The following RBFOX1 variants were observed in gnomAD, a reference collection of about 807,000 sequenced individuals.
The protein encoded by RBFOX1 is RNA binding fox-1 homolog 1.
A neutral mutation model predicts 57.7 loss-of-function variants in RBFOX1; 8 were observed. That is an observed-to-expected ratio of 0.14 (90% confidence interval 0.08 to 0.25). The LOEUF is 0.25. Ranked by LOEUF, RBFOX1 falls within the 10% of genes least tolerant of loss-of-function variation. The pLI is 1.00. For missense variants in RBFOX1, 611 were observed against 548.5 expected (o/e 1.11, Z -1.14); for synonymous variants, 326 against 222.4 (o/e 1.47, Z -4.15).
At chr16:5,445,536 T>TTGTA (rs2068215618) in intron 1 of RBFOX1, among the ~76,000 whole-genome samples, 1 of 152,214 alleles carries the variant, frequency 6.6e-6, no homozygotes, top group African/African-American at 2.4e-5. Flanking sequence ...GCACTCCTAC[T>TTGTA]TGTAGCATTG....
intron 4 of RBFOX1, among the ~76,000 whole-genome samples, chr16:7,221,799 C>T (rs569219707): frequency 5.9e-5 from 9 of 152,198 alleles, no homozygotes; most frequent in Admixed American, 3.9e-4. Context: ...CTTTTACAAG[C>T]GAGATCTAAG....
intron 3 of RBFOX1, among the ~76,000 whole-genome samples, chr16:6,837,134 A>C (rs958627345): frequency 1.3e-5 from 2 of 152,252 alleles, no homozygotes; most frequent in Non-Finnish European, 2.9e-5. Context: ...CAAACAGTAC[A>C]GTTTTAAGTT....
chr16:6,053,009 A>G (rs1250562279), intron 1 of RBFOX1, among the ~76,000 whole-genome samples: 2 of 151,988 alleles, frequency 1.3e-5, no homozygotes, highest in Non-Finnish European at 2.9e-5. Flanking sequence ...ATCTCTATTA[A>G]TATCACCACA....
chr16:7,223,886 G>A (rs563483147), intron 4 of RBFOX1, among the ~76,000 whole-genome samples: 3 of 151,882 alleles, frequency 2.0e-5, no homozygotes, highest in African/African-American at 7.2e-5. Flanking sequence ...TGGCTGGTTG[G>A]TGAGCATACC....
At chr16:6,222,684 T>TTATTATTATTA in intron 1 of RBFOX1, among the ~76,000 whole-genome samples, 1 of 141,320 alleles carries the variant, frequency 7.1e-6, no homozygotes, top group African/African-American at 2.6e-5. Context: ...TTTCTTTTCT[T>TTATTATTATTA]TTATTATTAT....
At chr16:5,449,135 C>A (rs955989980) in intron 1 of RBFOX1, among the ~76,000 whole-genome samples, 1 of 152,118 alleles carries the variant, frequency 6.6e-6, no homozygotes, top group Non-Finnish European at 1.5e-5. Context: ...ACGAGGCTAC[C>A]CAAAAGTCAC....
intron 5 of RBFOX1, among the ~76,000 whole-genome samples, chr16:7,524,265 G>C (rs767486926): frequency 7.2e-5 from 11 of 152,136 alleles, no homozygotes; most frequent in Non-Finnish European, 1.5e-5. Flanking sequence ...AAAAGGGAAG[G>C]AGGATGCACC....
intron 3 of RBFOX1, among the ~76,000 whole-genome samples, chr16:5,637,329 C>G (rs1185634736): frequency 6.6e-6 from 1 of 152,132 alleles, no homozygotes; most frequent in Non-Finnish European, 1.5e-5. Context: ...TTAAATAAGT[C>G]ATGTCTTAGT....
chr16:6,692,421 C>G (rs538227961), intron 3 of RBFOX1, among the ~76,000 whole-genome samples: 1 of 152,118 alleles, frequency 6.6e-6, no homozygotes, highest in Non-Finnish European at 1.5e-5. Context: ...TAAATCCATC[C>G]TACTCATCAC....
At chr16:5,748,829 G>A (rs912292656) in intron 3 of RBFOX1, among the ~76,000 whole-genome samples, 1 of 152,128 alleles carries the variant, frequency 6.6e-6, no homozygotes, top group African/African-American at 2.4e-5. Flanking sequence ...TATCCAATTT[G>A]CCAGTCTGTG....
chr16:5,775,178 G>A (rs759929974), intron 3 of RBFOX1, among the ~76,000 whole-genome samples: 2 of 152,116 alleles, frequency 1.3e-5, no homozygotes, highest in Non-Finnish European at 2.9e-5. Context: ...ATCCTATTCT[G>A]GAGCTTTTGG....
Position 5,531,495 on chromosome 16 carries a change from G to T in RBFOX1, c.258+64241G>T, listed in dbSNP as rs117437860. Among the ~76,000 whole-genome samples, 517 of 152,260 alleles carry T rather than the reference G, an allele frequency of 3.4e-3. 5 individuals carry two copies. Among genetic ancestry groups the T allele is most frequent in the Middle Eastern group, 0.01 (3 of 294 alleles). ...CTCTTTATTTGTTAAGTACCTTTTA[G>T]CATGGGGCAATAATGAGGGACTGTT... On this transcript the variant is annotated intron_variant, in intron 2 of 2. Transcript: ENST00000585867.
chr16:5,893,341 C>T (rs571408180), intron 4 of RBFOX1, among the ~76,000 whole-genome samples: 1 of 152,102 alleles, frequency 6.6e-6, no homozygotes, highest in Non-Finnish European at 1.5e-5. Flanking sequence ...TGAATAAGAC[C>T]TAGTATTGCT....
Position 7,518,156 on chromosome 16 carries a change from G to A in RBFOX1, c.37G>A (p.Glu13Lys), listed in dbSNP as rs867362775. The change falls in exon 5 of 16, where the codon GAA becomes AAA. Residue 13 changes from glutamate to lysine, a missense_variant. Physicochemically the swap from Glu to Lys is moderately conservative, Grantham distance 56 (BLOSUM62 1). This residue lies in a region of RBFOX1 where 245 missense variants were observed against 159.1 expected (regional missense o/e 1.54). Transcript: ENST00000550418. ...CEREQLRGNQ[E>K]AAAAPDTMAQ... The stretch of plus-strand genomic sequence containing the variant: ...CTTTTTGATTTTTCAGGGTAATCAG[G>A]AAGCAGCCGCTGCCCCTGACACAAT... The A allele has an allele frequency of 6.2e-7, 1 of 1,610,590 alleles. No homozygotes were observed. Among genetic ancestry groups the A allele is most frequent in the African/African-American group, 1.3e-5 (1 of 74,806 alleles).
At chr16:6,692,947 C>A (rs1225530130) in intron 3 of RBFOX1, among the ~76,000 whole-genome samples, 2 of 151,622 alleles carry the variant, frequency 1.3e-5, no homozygotes, top group Non-Finnish European at 2.9e-5. Flanking sequence ...TTATCAACAT[C>A]ATCCCCATCC....
At chr16:6,655,934 A>C (rs747470241) in intron 3 of RBFOX1, among the ~76,000 whole-genome samples, 1 of 152,208 alleles carries the variant, frequency 6.6e-6, no homozygotes, top group African/African-American at 2.4e-5. Flanking sequence ...GTTGCCACAC[A>C]TTATTTTAGG....
intron 3 of RBFOX1, among the ~76,000 whole-genome samples, chr16:6,678,449 G>A (rs1861041): frequency 0.91 from 138,806 of 151,758 alleles, 63,771 homozygotes; most frequent in Middle Eastern, 0.98. Flanking sequence ...TATATAATAT[G>A]TTTAGGTGTG....
chr16:5,616,991 G>T (rs1183980702), intron 3 of RBFOX1, among the ~76,000 whole-genome samples: 3 of 150,132 alleles, frequency 2.0e-5, no homozygotes, highest in Non-Finnish European at 1.5e-5. Flanking sequence ...AAGTGAAACT[G>T]GCCGGAGGGC....
intron 4 of RBFOX1, among the ~76,000 whole-genome samples, chr16:7,470,461 G>T (rs1361239272): frequency 6.6e-6 from 1 of 151,972 alleles, no homozygotes. Context: ...GGGTGGATGA[G>T]TGGATGGATG....
Sources: gnomAD v4.1 joint callset for allele counts (sites outside exome capture counted in the v4.1 genomes callset) on GRCh38, gnomAD v4.1.1 for gene constraint, gnomAD v4.1.1 regional missense constraint, MANE v1.5 for transcripts, NCBI Gene and HGNC (gene_info 2026-07-23, HGNC 2026-07-21) for gene names.